The following ANO3 variants were observed in gnomAD, a reference collection of about 807,000 sequenced individuals.
The protein encoded by ANO3 is anoctamin 3.
In ANO3, 99 loss-of-function variants were observed where a neutral mutation model predicts 144.8. The observed-to-expected ratio is 0.68, with a 90% confidence interval of 0.58 to 0.81. The LOEUF (loss-of-function observed/expected upper bound fraction) is 0.81. Ranked by LOEUF, ANO3 falls within the 30% of genes least tolerant of loss-of-function variation. ANO3 has a pLI of 0.00. For synonymous variants in ANO3, 414 were observed against 392.6 expected (o/e 1.05, Z -0.64); for missense variants, 905 against 1,202.2 (o/e 0.75, Z 3.66).
At chr11:26,350,199 T>TCCATTCTCCTTTGGGA (rs1855608332) in intron 1 of ANO3, among the ~76,000 whole-genome samples, 1 of 152,034 alleles carries the variant, frequency 6.6e-6, no homozygotes, top group African/African-American at 2.4e-5. Context: ...AGGAGGACTG[T>TCCATTCTCCTTTGGGA]GGGTAAAAGT....
chr11:26,593,218 T>C (rs528810601), intron 14 of ANO3, among the ~76,000 whole-genome samples: 71 of 152,220 alleles, frequency 4.7e-4, no homozygotes, highest in Non-Finnish European at 1.0e-3. Context: ...TAGGTAAGCA[T>C]ACTTAGAGTC....
At chr11:26,567,051 C>A (rs1272175657) in intron 14 of ANO3, 18 of 1,506,826 alleles carry the variant, frequency 1.2e-5, no homozygotes, top group Non-Finnish European at 1.6e-5. Flanking sequence ...TTGATACTTA[C>A]AACAATCCCT....
At chr11:26,453,363 C>G (rs1281312611) in intron 3 of ANO3, among the ~76,000 whole-genome samples, 1 of 151,352 alleles carries the variant, frequency 6.6e-6, no homozygotes, top group African/African-American at 2.4e-5. Context: ...CACATAGGCT[C>G]AAAATAAAAG....
intron 1 of ANO3, among the ~76,000 whole-genome samples, chr11:26,356,981 T>A (rs2133919731): frequency 6.6e-6 from 1 of 152,338 alleles, no homozygotes; most frequent in Admixed American, 6.5e-5. Flanking sequence ...TAGGACAGTC[T>A]CCCCATCTCA....
At chr11:26,610,352 CT>C (rs1277633363) in intron 17 of ANO3, among the ~76,000 whole-genome samples, 8 of 107,682 alleles carry the variant, frequency 7.4e-5, no homozygotes, top group Non-Finnish European at 1.0e-4. Context: ...ATTTCAATGT[CT>C]TTTTTTTTGA....
At chr11:26,652,102 T>C (rs1246428604) in intron 24 of ANO3, among the ~76,000 whole-genome samples, 1 of 152,148 alleles carries the variant, frequency 6.6e-6, no homozygotes, top group African/African-American at 2.4e-5. Flanking sequence ...TCGTTGGTTC[T>C]CCAGACTCTT....
chr11:26,214,945 C>T (rs1321898230), intron 1 of ANO3, among the ~76,000 whole-genome samples: 2 of 151,858 alleles, frequency 1.3e-5, no homozygotes, highest in Non-Finnish European at 2.9e-5. Context: ...TGTCTCTCAA[C>T]TGATATTTGT....
At chr11:26,483,102 G>A (rs1860292549) in intron 4 of ANO3, among the ~76,000 whole-genome samples, 1 of 151,608 alleles carries the variant, frequency 6.6e-6, no homozygotes, top group Admixed American at 6.6e-5. Flanking sequence ...TAATGAGAAT[G>A]CTGGATCCAA....
intron 4 of ANO3, among the ~76,000 whole-genome samples, chr11:26,492,279 T>C (rs1054696884): frequency 1.3e-5 from 2 of 152,270 alleles, no homozygotes; most frequent in African/African-American, 4.8e-5. Flanking sequence ...GAAATTAGTA[T>C]TGATAGATGC....
intron 18 of ANO3, among the ~76,000 whole-genome samples, chr11:26,630,372 A>G (rs1484786779): frequency 6.6e-6 from 1 of 152,244 alleles, no homozygotes; most frequent in Non-Finnish European, 1.5e-5. Context: ...GGCTTCGCAT[A>G]GAAGAGTCAC....
chr11:26,580,392 A>G (rs1851098527), intron 14 of ANO3, among the ~76,000 whole-genome samples: 1 of 152,168 alleles, frequency 6.6e-6, no homozygotes, highest in Admixed American at 6.5e-5. Flanking sequence ...GTACATTTTT[A>G]AGATTGTTGT....
intron 8 of ANO3, 49 bp downstream of exon 8, chr11:26,531,385 G>T (rs756131423): frequency 4.5e-6 from 7 of 1,546,162 alleles, no homozygotes; most frequent in Non-Finnish European, 6.1e-6. Context: ...TCTTGGTGGG[G>T]CTTGTTTATA....
chr11:26,490,537 G>A (rs1188186095), intron 4 of ANO3, among the ~76,000 whole-genome samples: 1 of 152,230 alleles, frequency 6.6e-6, no homozygotes, highest in Non-Finnish European at 1.5e-5. Context: ...GCATGGTCCT[G>A]AGAGATTGGA....
intron 1 of ANO3, among the ~76,000 whole-genome samples, chr11:26,212,291 G>A (rs1471111420): frequency 6.6e-6 from 1 of 151,430 alleles, no homozygotes; most frequent in Non-Finnish European, 1.5e-5. Context: ...TAAGATCAGA[G>A]TAGAACTGAA....
intron 1 of ANO3, among the ~76,000 whole-genome samples, chr11:26,362,591 T>G (rs1855956979): frequency 6.6e-6 from 1 of 152,186 alleles, no homozygotes; most frequent in African/African-American, 2.4e-5. Flanking sequence ...CATGAACAAA[T>G]TGTGCTCCTG....
chr11:26,347,468 A>G (rs545659514), intron 1 of ANO3, among the ~76,000 whole-genome samples: 2 of 152,342 alleles, frequency 1.3e-5, no homozygotes, highest in African/African-American at 4.8e-5. Flanking sequence ...CTTTTCTCTG[A>G]GACAAGACCA....
chr11:26,563,132 G>A (rs748244834), intron 14 of ANO3: 64 of 1,611,564 alleles, frequency 4.0e-5, no homozygotes, highest in South Asian at 4.0e-4. Flanking sequence ...CATTTCTGTC[G>A]TCATAAAGTC....
chr11:26,193,938 T>G (rs945229992), intron 1 of ANO3, among the ~76,000 whole-genome samples: 5 of 152,304 alleles, frequency 3.3e-5, no homozygotes, highest in Non-Finnish European at 5.9e-5. Flanking sequence ...GCTCTGCTAC[T>G]AACTGCATGA....
intron 14 of ANO3, among the ~76,000 whole-genome samples, chr11:26,576,578 C>G (rs1367082390): frequency 6.6e-6 from 1 of 152,120 alleles, no homozygotes; most frequent in Non-Finnish European, 1.5e-5. Flanking sequence ...GAATTTTTCC[C>G]TGCCAGAGAG....
Sources: allele counts gnomAD v4.1 joint callset (sites outside exome capture counted in the v4.1 genomes callset), GRCh38; gene constraint gnomAD v4.1.1; transcripts MANE v1.5; gene names NCBI Gene and HGNC (gene_info 2026-07-23, HGNC 2026-07-21).